The following UBXN2A variants were observed in gnomAD, a reference collection of about 807,000 sequenced individuals.
UBXN2A encodes the protein UBX domain-containing protein 2A.
UBXN2A carries 28 observed loss-of-function variants against 28.4 expected under a neutral mutation model. That is an observed-to-expected ratio of 0.99 (90% CI 0.73 to 1.35). The LOEUF is 1.35. UBXN2A is among the 40% of genes most tolerant of loss of function. The pLI is 0.00. For synonymous variants in UBXN2A, 97 were observed against 103.6 expected (o/e 0.94, Z 0.39); for missense variants, 253 against 297.9 (o/e 0.85, Z 1.11).
chr2:23,981,411 G>A (rs141376377), intron 4 of UBXN2A, among the ~76,000 whole-genome samples: 101 of 136,628 alleles, frequency 7.4e-4, no homozygotes, highest in Admixed American at 1.1e-3. Flanking sequence ...CCAAGAGGTC[G>A]CAGCTGCAGT....
At chr2:23,961,252 C>T (rs1416673343) in intron 2 of UBXN2A, among the ~76,000 whole-genome samples, 1 of 151,326 alleles carries the variant, frequency 6.6e-6, no homozygotes, top group African/African-American at 2.4e-5. Flanking sequence ...TGTGCCACCA[C>T]GCCTGGCTAA....
At chr2:23,932,521 A>C (rs933572012) in intron 1 of UBXN2A, among the ~76,000 whole-genome samples, 16 of 152,090 alleles carry the variant, frequency 1.1e-4, no homozygotes, top group Non-Finnish European at 4.4e-5. Context: ...CACCTTTCCC[A>C]ACACTGACAC....
intron 1 of UBXN2A, among the ~76,000 whole-genome samples, chr2:23,950,491 AC>A (rs1346922523): frequency 6.9e-6 from 1 of 145,040 alleles, no homozygotes; most frequent in Non-Finnish European, 1.5e-5. Flanking sequence ...GCGACCTCCG[AC>A]TCCTGGGTTC....
chr2:23,932,421 G>T (rs919122388), intron 1 of UBXN2A, among the ~76,000 whole-genome samples: 2 of 152,008 alleles, frequency 1.3e-5, no homozygotes, highest in Non-Finnish European at 2.9e-5. Flanking sequence ...GCAAAATCCT[G>T]CTACAATAAG....
intron 4 of UBXN2A, chr2:23,977,363 G>A (rs1366409106): frequency 6.3e-6 from 1 of 157,732 alleles, no homozygotes; most frequent in Non-Finnish European, 1.3e-5. Flanking sequence ...GGGTGGGGGT[G>A]GGCTTGGTGG....
intron 1 of UBXN2A, among the ~76,000 whole-genome samples, chr2:23,950,001 C>T (rs1369478025): frequency 1.5e-5 from 2 of 129,424 alleles, no homozygotes; most frequent in Admixed American, 1.6e-4. Flanking sequence ...CTCATCATCC[C>T]CCCACCCCCA....
intron 1 of UBXN2A, chr2:23,943,964 A>G (rs1573533095): frequency 2.2e-6 from 1 of 447,056 alleles, no homozygotes; most frequent in Non-Finnish European, 4.4e-6. Context: ...AAGAGATGGA[A>G]TGGTTCTGGA....
chr2:23,972,839 T>A (rs74470042), intron 3 of UBXN2A, among the ~76,000 whole-genome samples: 2,188 of 152,038 alleles, frequency 0.014, 85 homozygotes, highest in East Asian at 0.071. Context: ...ATAAATAAAT[T>A]AATTAATTAA....
intron 2 of UBXN2A, among the ~76,000 whole-genome samples, chr2:23,962,066 A>G (rs1706949488): frequency 6.6e-6 from 1 of 152,020 alleles, no homozygotes; most frequent in African/African-American, 2.4e-5. Context: ...GCTGGTCTTG[A>G]ACTCCTGACC....
intron 2 of UBXN2A, among the ~76,000 whole-genome samples, chr2:23,961,149 G>A (rs1706886065): frequency 6.6e-6 from 1 of 151,648 alleles, no homozygotes; most frequent in African/African-American, 2.4e-5. Context: ...AGGCTGGGGT[G>A]CAGTGGTACA....
chr2:23,977,235 C>G (rs1056155991), intron 4 of UBXN2A, 160 bp downstream of exon 4: 3 of 501,252 alleles, frequency 6.0e-6, no homozygotes, highest in African/African-American at 1.9e-5. Flanking sequence ...CCCAGCTACT[C>G]AGGATTGCTT....
chr2:23,971,481 T>C (rs1001753259), intron 3 of UBXN2A, 67 bp downstream of exon 3: 3 of 1,407,400 alleles, frequency 2.1e-6, no homozygotes, highest in Non-Finnish European at 2.8e-6. Flanking sequence ...TGTTAGAGGG[T>C]CCCTAAGGTC....
At position 23,999,540 on chromosome 2, in the gene UBXN2A, C is replaced by A. The variant is rs1312535285; in HGVS notation, c.585-132C>A. ...TTATTATGATGGCACCACTGCACTG[C>A]ATCCTGGGTGACAAAGCAAGACGCT... On this transcript the variant is annotated intron_variant, in intron 6 of 6. Coordinates refer to ENST00000309033, the MANE Select transcript of UBXN2A (RefSeq NM_181713.4). 4 of 982,442 alleles carry A rather than the reference C, an allele frequency of 4.1e-6. No homozygotes were observed. The Admixed American group carries it at 1.1e-4, about 28-fold the overall frequency. The allele number at this position is 982,442 out of a possible 1,614,324, so 60.9% of individuals were successfully genotyped here.
chr2:23,999,167 A>T (rs1032592711), intron 6 of UBXN2A, among the ~76,000 whole-genome samples: 2 of 152,160 alleles, frequency 1.3e-5, no homozygotes, highest in Admixed American at 1.3e-4. Flanking sequence ...TTCACATTTT[A>T]GCATCTGTGA....
rs922871462 is a variant in UBXN2A at position 24,003,657 on chromosome 2, AT to A, written c.*3792del. On this transcript the variant is annotated 3_prime_UTR_variant, in exon 7 of 7. Transcript: ENST00000309033. ...GGTACATAATAGAAAATAAATAATT[AT>A]TGTTGGTAATGTTTACACAGCAGTG... 2.7e-4 allele frequency: 40 copies of A among 146,428 alleles called. No homozygotes were observed. Among genetic ancestry groups the A allele is most frequent in the African/African-American group, 9.6e-4 (38 of 39,536 alleles). The allele number at this position is 146,428 out of a possible 1,614,324, so 9.1% of individuals were successfully genotyped here. A position where few individuals can be genotyped will look rare whatever the true frequency, so the allele number is the denominator to read the frequency against.
At chr2:23,939,864 C>G (rs929134556), upstream of UBXN2A, among the ~76,000 whole-genome samples, 2 of 152,094 alleles carry the variant, frequency 1.3e-5, no homozygotes, top group Non-Finnish European at 2.9e-5. Context: ...AATCCCAGCA[C>G]ATTGGGAGAC....
chr2:23,995,702 A>G (rs2150920303), intron 6 of UBXN2A, among the ~76,000 whole-genome samples: 1 of 151,936 alleles, frequency 6.6e-6, no homozygotes, highest in South Asian at 2.1e-4. Flanking sequence ...CAAAAAAAAA[A>G]AAGAAAAGAA....
chr2:23,955,224 C>G (rs1006882993), intron 1 of UBXN2A, among the ~76,000 whole-genome samples: 3 of 152,110 alleles, frequency 2.0e-5, no homozygotes, highest in African/African-American at 7.2e-5. Flanking sequence ...AGCCATCGCA[C>G]CCGGCTGCTT....
chr2:23,958,112 TTTTG>T (rs1438496280), intron 1 of UBXN2A, among the ~76,000 whole-genome samples, 185 bp from the exon 2 acceptor site: 1 of 152,254 alleles, frequency 6.6e-6, no homozygotes, highest in Non-Finnish European at 1.5e-5. Flanking sequence ...GAAGTCTTTC[TTTTG>T]TCAGATTATC....
Sources: allele counts gnomAD v4.1 joint callset (sites outside exome capture counted in the v4.1 genomes callset), GRCh38; gene constraint gnomAD v4.1.1; transcripts MANE v1.5; gene names NCBI Gene and HGNC (gene_info 2026-07-23, HGNC 2026-07-21).